The following CACNA2D1 variants were observed in gnomAD, a reference collection of about 807,000 sequenced individuals.
The protein encoded by CACNA2D1 is voltage-dependent calcium channel subunit alpha-2/delta-1.
In CACNA2D1, 53 loss-of-function variants were observed where a neutral mutation model predicts 171.5. The observed-to-expected ratio is 0.31, with a 90% CI of 0.25 to 0.39. The LOEUF (loss-of-function observed/expected upper bound fraction) is 0.39, where lower values mean the gene tolerates loss of function less well. Ranked by LOEUF, CACNA2D1 falls within the 10% of genes least tolerant of loss-of-function variation. The pLI is 1.00. For synonymous variants in CACNA2D1, 442 were observed against 443.1 expected, an observed-to-expected ratio of 1.00 and a Z score of 0.03; for missense variants, 903 against 1,299.8, an observed-to-expected ratio of 0.69 and a Z score of 4.69.
intron 7 of CACNA2D1, among the ~76,000 whole-genome samples, chr7:82,083,598 T>A (rs148051578): frequency 6.6e-5 from 10 of 152,232 alleles, no homozygotes; most frequent in African/African-American, 2.2e-4. Context: ...TATATTCCCA[T>A]CAGATAATAA....
chr7:82,360,419 C>T (rs565952972), intron 1 of CACNA2D1, among the ~76,000 whole-genome samples: 74 of 152,186 alleles, frequency 4.9e-4, no homozygotes, highest in Admixed American at 2.4e-3. Flanking sequence ...AATTTTTCCT[C>T]ACGTTACATT....
At chr7:82,343,686 C>T (rs894862276) in intron 2 of CACNA2D1, among the ~76,000 whole-genome samples, 1 of 152,072 alleles carries the variant, frequency 6.6e-6, no homozygotes, top group African/African-American at 2.4e-5. Flanking sequence ...AATTTATTAA[C>T]CTAGCCTCTC....
At chr7:82,066,405 T>C (rs376644633) in intron 8 of CACNA2D1, 50 bp downstream of exon 8, 14 of 1,603,116 alleles carry the variant, frequency 8.7e-6, no homozygotes, top group South Asian at 6.7e-5. Context: ...TTAGCAAATA[T>C]ATATCTTCTT....
chr7:82,312,364 A>T (rs1371546101), intron 3 of CACNA2D1, among the ~76,000 whole-genome samples: 1 of 152,176 alleles, frequency 6.6e-6, no homozygotes, highest in African/African-American at 2.4e-5. Flanking sequence ...CTTAAAAATC[A>T]CTAGAAATTA....
chr7:82,089,282 C>T (rs556225528), intron 6 of CACNA2D1, among the ~76,000 whole-genome samples: 1 of 152,258 alleles, frequency 6.6e-6, no homozygotes, highest in East Asian at 1.9e-4. Context: ...GACAATCTAG[C>T]CTTGAACCTA....
At chr7:82,267,496 T>C (rs1808015005) in intron 3 of CACNA2D1, among the ~76,000 whole-genome samples, 1 of 152,210 alleles carries the variant, frequency 6.6e-6, no homozygotes, top group Admixed American at 6.5e-5. Context: ...AGACTTTCAA[T>C]TATAGTACCT....
intron 1 of CACNA2D1, among the ~76,000 whole-genome samples, chr7:82,367,704 T>C (rs779110841): frequency 3.3e-5 from 5 of 152,142 alleles, no homozygotes; most frequent in African/African-American, 4.8e-5. Flanking sequence ...AGATGACTCT[T>C]TGAGGCAAGC....
intron 3 of CACNA2D1, among the ~76,000 whole-genome samples, chr7:82,290,722 G>C (rs894413030): frequency 6.6e-6 from 1 of 151,184 alleles, no homozygotes; most frequent in Non-Finnish European, 1.5e-5. Flanking sequence ...TCAGCCTCCC[G>C]AGCAGCTGGG....
chr7:82,219,129 A>T (rs1250216405), intron 3 of CACNA2D1, among the ~76,000 whole-genome samples: 1 of 152,152 alleles, frequency 6.6e-6, no homozygotes, highest in Non-Finnish European at 1.5e-5. Flanking sequence ...TGAGGTAGCT[A>T]CCTAATAAAC....
chr7:82,150,081 T>C (rs1025914324), intron 4 of CACNA2D1, among the ~76,000 whole-genome samples: 12 of 151,976 alleles, frequency 7.9e-5, no homozygotes, highest in African/African-American at 2.9e-4. Flanking sequence ...AAATGCTTAC[T>C]GAGCACATGG....
intron 3 of CACNA2D1, among the ~76,000 whole-genome samples, chr7:82,247,880 G>A (rs1563255359): frequency 6.6e-6 from 1 of 152,186 alleles, no homozygotes; most frequent in Non-Finnish European, 1.5e-5. Flanking sequence ...GACGGGCGAA[G>A]TCCCTTAGCC....
At chr7:82,005,242 C>A (rs1798999068) in intron 18 of CACNA2D1, 181 bp downstream of exon 18, 10 of 540,886 alleles carry the variant, frequency 1.8e-5, no homozygotes, top group Non-Finnish European at 3.0e-5. Flanking sequence ...AAAATGAAAA[C>A]TGCTTTCACA....
intron 1 of CACNA2D1, among the ~76,000 whole-genome samples, chr7:82,382,254 A>G (rs751778368): frequency 5.9e-5 from 9 of 152,180 alleles, no homozygotes; most frequent in Non-Finnish European, 1.2e-4. Context: ...TTTGTCCTTT[A>G]CCTCTAAAAT....
chr7:82,132,300 T>C (rs527492559), intron 5 of CACNA2D1, among the ~76,000 whole-genome samples: 6 of 152,290 alleles, frequency 3.9e-5, no homozygotes, highest in South Asian at 2.1e-4. Context: ...GAAGAACAAA[T>C]TGAAGATATG....
chr7:82,333,488 C>T (rs1228555094), intron 3 of CACNA2D1, among the ~76,000 whole-genome samples: 2 of 63,838 alleles, frequency 3.1e-5, no homozygotes, highest in South Asian at 5.0e-4. Flanking sequence ...TTTTACACAG[C>T]GACAGCAAGA....
intron 18 of CACNA2D1, 31 bp downstream of exon 18, chr7:82,005,392 A>G: frequency 1.6e-6 from 2 of 1,275,236 alleles, no homozygotes; most frequent in South Asian, 2.5e-5. Flanking sequence ...TCTACAAAAC[A>G]CTAATCACTG....
intron 4 of CACNA2D1, among the ~76,000 whole-genome samples, chr7:82,148,684 C>G (rs1229808873): frequency 1.3e-5 from 2 of 152,162 alleles, no homozygotes; most frequent in African/African-American, 4.8e-5. Context: ...TGTCGACCAG[C>G]TGGAGTGCAG....
At chr7:82,267,145 A>G (rs1027963506) in intron 3 of CACNA2D1, among the ~76,000 whole-genome samples, 3 of 152,242 alleles carry the variant, frequency 2.0e-5, no homozygotes, top group African/African-American at 4.8e-5. Context: ...CAAGACAAAT[A>G]TCACAATCCT....
intron 1 of CACNA2D1, among the ~76,000 whole-genome samples, chr7:82,354,007 C>T (rs1186463760): frequency 6.6e-6 from 1 of 152,114 alleles, no homozygotes; most frequent in African/African-American, 2.4e-5. Context: ...AGGAAGATCA[C>T]TGTCTGACCT....
Sources: gnomAD v4.1 joint callset for allele counts (sites outside exome capture counted in the v4.1 genomes callset) on GRCh38, gnomAD v4.1.1 for gene constraint, MANE v1.5 for transcripts, NCBI Gene and HGNC (gene_info 2026-07-23, HGNC 2026-07-21) for gene names.